The following ADCK1 variants were observed in gnomAD, a reference collection of about 807,000 sequenced individuals.
ADCK1 encodes aarF domain-containing protein kinase 1.
ADCK1 carries 41 observed loss-of-function variants against 52.3 expected under a neutral mutation model. The ratio of observed to expected loss-of-function variants is 0.78; its 90% confidence interval spans 0.61 to 1.02. ADCK1 has a LOEUF of 1.02. ADCK1 is among the 50% of genes least tolerant of loss of function. The pLI is 0.00. For missense variants in ADCK1, 658 were observed against 679.5 expected (o/e 0.97, Z 0.35); for synonymous variants, 250 against 274.6 (o/e 0.91, Z 0.89).
chr14:77,837,061 G>A (rs552556533), intron 3 of ADCK1, among the ~76,000 whole-genome samples: 1 of 151,890 alleles, frequency 6.6e-6, no homozygotes, highest in East Asian at 1.9e-4. Flanking sequence ...GTGAGCCGCC[G>A]TGCCTGGCCT....
chr14:77,808,764 C>T (rs769975826), intron 1 of ADCK1, among the ~76,000 whole-genome samples: 1 of 152,072 alleles, frequency 6.6e-6, no homozygotes, highest in Admixed American at 6.6e-5. Context: ...TTAGTAGAGA[C>T]GGAGTTTCAC....
chr14:77,842,892 CT>C (rs113174346), intron 3 of ADCK1, among the ~76,000 whole-genome samples: 25,237 of 122,440 alleles, frequency 0.21, 3,074 homozygotes, highest in African/African-American at 0.37. Flanking sequence ...TTCTTTCTTT[CT>C]TTTTTTTTTT....
At chr14:77,868,354 G>T (rs11159301) in intron 4 of ADCK1, among the ~76,000 whole-genome samples, 57,711 of 152,084 alleles carry the variant, frequency 0.38, 11,736 homozygotes, top group Admixed American at 0.51. Context: ...CTCAGTGCCC[G>T]GAAGAGAGGG....
chr14:77,847,156 C>A (rs1232441860), intron 3 of ADCK1, among the ~76,000 whole-genome samples: 1 of 151,968 alleles, frequency 6.6e-6, no homozygotes, highest in East Asian at 1.9e-4. Flanking sequence ...GGCCTGGGGG[C>A]AGGGGATGGC....
Position 77,859,098 on chromosome 14 carries a change from G to A in ADCK1, c.242G>A (p.Arg81His), listed in dbSNP as rs780996595. The change falls in exon 4 of 11, where the codon CGT becomes CAT. Residue 81 changes from arginine to histidine, a missense_variant. Transcript: ENST00000238561. ...CAGGTGCACCTTCGCTCTGCCAGGC[G>A]TCTCTGTGAGCTCTGCTGTGCCAAC... ...RSKVHLRSAR[R>H]LCELCCANRG... is the part of the protein sequence containing the mutation. 77 of 1,608,016 alleles carry A rather than the reference G, an allele frequency of 4.8e-5. No individual in the cohort carries two copies. Among genetic ancestry groups the A allele is most frequent in the Admixed American group, 1.5e-4 (9 of 59,630 alleles).
At chr14:77,908,006 C>A (rs1043020969) in intron 7 of ADCK1, 87 bp downstream of exon 7, 3 of 1,085,070 alleles carry the variant, frequency 2.8e-6, no homozygotes, top group Non-Finnish European at 4.2e-6. Flanking sequence ...CCAGGTGAGG[C>A]CTCAGAGTCT....
At chr14:77,801,280 C>T (rs1368449973) in intron 1 of ADCK1, among the ~76,000 whole-genome samples, 1 of 152,110 alleles carries the variant, frequency 6.6e-6, no homozygotes, top group Admixed American at 6.6e-5. Flanking sequence ...GTCTGGGGAC[C>T]ATACGTTGAG....
chr14:77,805,154 C>T (rs988087221), intron 1 of ADCK1, among the ~76,000 whole-genome samples: 6 of 142,680 alleles, frequency 4.2e-5, no homozygotes, highest in Admixed American at 1.4e-4. Context: ...TGTGGTGAGC[C>T]GAGATTGCAC....
At chr14:77,930,489 G>A (rs1281351955) in intron 9 of ADCK1, among the ~76,000 whole-genome samples, 1 of 152,090 alleles carries the variant, frequency 6.6e-6, no homozygotes, top group Admixed American at 6.5e-5. Flanking sequence ...TTTTGGGTGA[G>A]GACACTAAGT....
intron 9 of ADCK1, among the ~76,000 whole-genome samples, chr14:77,928,750 G>T (rs755776106): frequency 6.6e-6 from 1 of 152,092 alleles, no homozygotes; most frequent in African/African-American, 2.4e-5. Flanking sequence ...ATGAGCCACC[G>T]TGCCCAGCCT....
At chr14:77,869,281 C>T (rs1029926130) in intron 4 of ADCK1, among the ~76,000 whole-genome samples, 5 of 152,084 alleles carry the variant, frequency 3.3e-5, no homozygotes, top group East Asian at 1.9e-4. Context: ...CTTCTGAGGC[C>T]GCGAGGGAGG....
chr14:77,888,778 T>G (rs1407519232), intron 5 of ADCK1, among the ~76,000 whole-genome samples: 1 of 152,208 alleles, frequency 6.6e-6, no homozygotes. Flanking sequence ...CTATATATAG[T>G]AGTTCCCCCT....
chr14:77,814,436 A>AAC, intron 1 of ADCK1, among the ~76,000 whole-genome samples: 1 of 149,804 alleles, frequency 6.7e-6, no homozygotes, highest in Admixed American at 6.7e-5. Context: ...GAAAAAAAAA[A>AAC]CAAAAAACAA....
Position 77,861,614 on chromosome 14 carries a change from C to T in ADCK1, c.423+2335C>T, listed in dbSNP as rs557647452. 2.6e-5 allele frequency among the ~76,000 whole-genome samples: 4 copies of T among 152,262 alleles called. No individual in the cohort carries two copies. In the South Asian group the frequency reaches 8.3e-4, roughly 32 times the overall value. ...AAAGAGGCTGTCAGTTATGCCTCACCACCTTCCTAGGTCCCAGTCCTCGGA... is the reference window on the plus strand; with the variant it reads ...AAAGAGGCTGTCAGTTATGCCTCACTACCTTCCTAGGTCCCAGTCCTCGGA... On this transcript the variant is annotated intron_variant, in intron 4 of 10. Transcript: ENST00000238561.
intron 3 of ADCK1, among the ~76,000 whole-genome samples, chr14:77,828,849 G>T (rs2081778271): frequency 6.6e-6 from 1 of 151,532 alleles, no homozygotes; most frequent in African/African-American, 2.4e-5. Flanking sequence ...TTATCACTAT[G>T]AACTCATGGA....
Position 77,881,323 on chromosome 14 carries a change from T to TG in ADCK1, c.424-5766dup, listed in dbSNP as rs375300496. Reference sequence around the variant, plus strand: ...AGGCTGCACGAGTGTCACCATGCCGTGGCAGCTCACTTCTCCCAGAGCAAG... The same window carrying TG: ...AGGCTGCACGAGTGTCACCATGCCGTGGGCAGCTCACTTCTCCCAGAGCAAG... On this transcript the variant is annotated intron_variant, in intron 4 of 10. Transcript: ENST00000238561. Among the ~76,000 whole-genome samples, 135 of 152,272 alleles carry TG rather than the reference T, an allele frequency of 8.9e-4. 1 individual carries two copies. Among genetic ancestry groups the TG allele is most frequent in the African/African-American group, 3.1e-3 (129 of 41,562 alleles).
intron 5 of ADCK1, among the ~76,000 whole-genome samples, chr14:77,890,265 GT>G (rs2083256350): frequency 6.6e-6 from 1 of 152,190 alleles, no homozygotes; most frequent in Non-Finnish European, 1.5e-5. Context: ...TGGCTGGCAA[GT>G]TGGTGCTAGC....
In ADCK1 at chr14:77,878,825, A is replaced by G. The variant is rs192913884; in HGVS notation, c.424-8266A>G. 3.3e-5 allele frequency among the ~76,000 whole-genome samples: 5 copies of G among 152,360 alleles called. No individual in the cohort carries two copies. In the East Asian group the frequency reaches 5.8e-4, roughly 18 times the overall value. On this transcript the variant is annotated intron_variant, in intron 4 of 10. Transcript: ENST00000238561. ...TGAAAGATTAGATTTATGATAGCCA[A>G]CGGTGGATTATGAAGAATAATTTAT...
intron 4 of ADCK1, among the ~76,000 whole-genome samples, chr14:77,869,405 C>G (rs927981664): frequency 1.8e-4 from 27 of 152,266 alleles, no homozygotes; most frequent in Non-Finnish European, 3.7e-4. Flanking sequence ...ATGGTATCCT[C>G]TTTATGTGGG....
Sources: allele counts gnomAD v4.1 joint callset (sites outside exome capture counted in the v4.1 genomes callset), GRCh38; gene constraint gnomAD v4.1.1; transcripts MANE v1.5; gene names NCBI Gene and HGNC (gene_info 2026-07-23, HGNC 2026-07-21).